The following CYLD variants were observed in gnomAD, a reference collection of about 807,000 sequenced individuals.
The protein encoded by CYLD is ubiquitin carboxyl-terminal hydrolase CYLD.
In CYLD, 26 loss-of-function variants were observed where a neutral mutation model predicts 104.5. That is an observed-to-expected ratio of 0.25 (90% CI 0.18 to 0.35). The LOEUF (loss-of-function observed/expected upper bound fraction) is 0.35. Ranked by LOEUF, CYLD falls within the 10% of genes least tolerant of loss-of-function variation. The pLI is 1.00. For synonymous variants in CYLD, 385 were observed against 399.9 expected (o/e 0.96, Z 0.45); for missense variants, 703 against 1,136.1 (o/e 0.62, Z 5.48).
At chr16:50,747,925 C>G (rs1237330259) in intron 2 of CYLD, among the ~76,000 whole-genome samples, 1 of 152,220 alleles carries the variant, frequency 6.6e-6, no homozygotes, top group Non-Finnish European at 1.5e-5. Flanking sequence ...ATGTCTCATG[C>G]TGGCTTGTAG....
At position 50,782,365 on chromosome 16, in the gene CYLD, T is replaced by C. The variant is rs373031051; in HGVS notation, c.1725T>C (p.Thr575=). The C allele has an allele frequency of 5.9e-5, 95 of 1,613,386 alleles. No homozygotes were observed. The highest frequency in any genetic ancestry group is 7.9e-5 in the Non-Finnish European group (93 of 1,179,494). The change falls in exon 11 of 19, where the codon ACT becomes ACC. Residue 575 remains threonine, a synonymous_variant. Coordinates refer to ENST00000427738, the MANE Select transcript of CYLD (RefSeq NM_001378743.1). ...TAAGTGAAGTAGTAGAAGAAAATAC[T>C]CCACCAAAAATGGAAAAAGAAGGCT... The part of the protein sequence containing the change: ...GYLSEVVEEN[T]PPKMEKEGLE...
At chr16:50,767,306 C>T (rs955981208) in intron 5 of CYLD, among the ~76,000 whole-genome samples, 5 of 152,098 alleles carry the variant, frequency 3.3e-5, no homozygotes, top group African/African-American at 7.2e-5. Flanking sequence ...GTATTGCACA[C>T]GTAATGGACT....
chr16:50,768,643 C>T (rs1968782098), intron 5 of CYLD, among the ~76,000 whole-genome samples: 1 of 152,162 alleles, frequency 6.6e-6, no homozygotes, highest in Non-Finnish European at 1.5e-5. Flanking sequence ...GCTAACATAT[C>T]TAATTTGACA....
chr16:50,769,661 C>G (rs78664003), intron 5 of CYLD, among the ~76,000 whole-genome samples: 13 of 152,160 alleles, frequency 8.5e-5, no homozygotes, highest in African/African-American at 2.9e-4. Flanking sequence ...TTTTTCCCAG[C>G]GGTAACATTA....
intron 5 of CYLD, among the ~76,000 whole-genome samples, chr16:50,768,191 C>A (rs1271840874): frequency 6.6e-6 from 1 of 152,136 alleles, no homozygotes; most frequent in South Asian, 2.1e-4. Flanking sequence ...ATGATACCAG[C>A]ATTTATAACA....
intron 11 of CYLD, among the ~76,000 whole-genome samples, chr16:50,782,916 ATTTTTTTTTTTTTTTT>A (rs386384680): frequency 1.3e-3 from 116 of 87,722 alleles, no homozygotes; most frequent in African/African-American, 5.3e-3. Flanking sequence ...ACAACTTAAG[ATTTTTTTTTTTTTTTT>A]TTTTTTTTTT....
At chr16:50,754,964 C>T (rs1373619158) in intron 5 of CYLD, among the ~76,000 whole-genome samples, 1 of 140,478 alleles carries the variant, frequency 7.1e-6, no homozygotes, top group Non-Finnish European at 1.5e-5. Context: ...TATACATATA[C>T]ACACATATAT....
intron 3 of CYLD, among the ~76,000 whole-genome samples, chr16:50,750,791 T>A (rs1966558162): frequency 6.6e-6 from 1 of 152,316 alleles, no homozygotes; most frequent in Non-Finnish European, 1.5e-5. Flanking sequence ...TTATCATCTA[T>A]AGGTTTCTTA....
intron 5 of CYLD, among the ~76,000 whole-genome samples, chr16:50,769,092 G>A (rs1322138693): frequency 6.6e-6 from 1 of 152,032 alleles, no homozygotes; most frequent in Non-Finnish European, 1.5e-5. Flanking sequence ...CTTGTTGATG[G>A]ACACTTGAGT....
Position 50,793,732 on chromosome 16 carries a change from A to C in CYLD, c.2469+68A>C, listed in dbSNP as rs1028955901. 8.5e-6 allele frequency: 9 copies of C among 1,060,660 alleles called. No individual in the cohort carries two copies. In the Admixed American group the frequency reaches 1.5e-4, roughly 18 times the overall value. The allele number at this position is 1,060,660 out of a possible 1,614,324, so 65.7% of individuals were successfully genotyped here. On this transcript the variant is annotated intron_variant, in intron 17 of 18. Transcript: ENST00000427738. Reference sequence around the variant, plus strand: ...TAACTTATTTATAGTTGAAAACACAATGCTCGTTTTGGAAAGTTTTTTAAA... The same window carrying C: ...TAACTTATTTATAGTTGAAAACACACTGCTCGTTTTGGAAAGTTTTTTAAA...
At chr16:50,748,165 C>G (rs917446091) in intron 2 of CYLD, among the ~76,000 whole-genome samples, 1 of 152,154 alleles carries the variant, frequency 6.6e-6, no homozygotes, top group Non-Finnish European at 1.5e-5. Context: ...ATGGATACCT[C>G]TATCTCAAGG....
intron 5 of CYLD, among the ~76,000 whole-genome samples, chr16:50,756,427 A>C (rs1967247525): frequency 1.3e-5 from 2 of 152,220 alleles, no homozygotes; most frequent in South Asian, 4.1e-4. Flanking sequence ...GGTGTGATTG[A>C]TCAGGGATCA....
At position 50,794,400 on chromosome 16, in the gene CYLD, C is replaced by G; in HGVS notation, c.2658C>G (p.Leu886=). 1.2e-6 allele frequency: 2 copies of G among 1,614,138 alleles called. No individual in the cohort carries two copies. Among genetic ancestry groups the G allele is most frequent in the Non-Finnish European group, 1.7e-6 (2 of 1,180,028 alleles). Residue 886 remains leucine (L), a synonymous_variant, in exon 18 of 19, where the codon CTC becomes CTG. Coordinates refer to ENST00000427738, the MANE Select transcript of CYLD (RefSeq NM_001378743.1). This position sits in a 1 kb window ranked among gnomAD's most constrained non-coding sequence, Gnocchi z 4.1. ...VKYGKDDSAW[L]FFDSMADRDG... is the part of the protein sequence containing the mutation. ...ATGGGAAGGACGATTCTGCCTGGCT[C>G]TTCTTTGACAGCATGGCCGATCGGG... is the stretch of plus-strand genomic sequence containing the variant.
At chr16:50,790,446 T>A (rs1971316076) in intron 14 of CYLD, among the ~76,000 whole-genome samples, 1 of 152,168 alleles carries the variant, frequency 6.6e-6, no homozygotes, top group Non-Finnish European at 1.5e-5. Context: ...TATTTTCCTC[T>A]CTTATTTTTT....
In CYLD at chr16:50,776,282, G is replaced by A; in HGVS notation, c.1021+5G>A. 1 of 1,585,912 alleles carries A rather than the reference G, an allele frequency of 6.3e-7. No homozygotes were observed. Among genetic ancestry groups the A allele is most frequent in the Non-Finnish European group, 8.7e-7 (1 of 1,154,426 alleles). ...ATAATAAACCAAAGGCTACAGGTAT[G>A]GATTAATAGCATATAACCTTTAGTA... is the stretch of plus-strand genomic sequence containing the variant. On this transcript the variant is annotated splice_donor_5th_base_variant and intron_variant, in intron 7 of 18. Transcript: ENST00000427738.
intron 5 of CYLD, among the ~76,000 whole-genome samples, chr16:50,765,469 G>A (rs1968399750): frequency 6.6e-6 from 1 of 152,094 alleles, no homozygotes; most frequent in South Asian, 2.1e-4. Context: ...CCTATTTCCT[G>A]ATACCCAAAA....
intron 16 of CYLD, 85 bp downstream of exon 16, chr16:50,792,790 C>T: frequency 2.7e-6 from 2 of 741,878 alleles, no homozygotes; most frequent in Non-Finnish European, 4.8e-6. Flanking sequence ...TAGACTCTAA[C>T]TGGACACAGT....
chr16:50,760,973 C>G (rs1279186705), intron 5 of CYLD, among the ~76,000 whole-genome samples: 1 of 152,144 alleles, frequency 6.6e-6, no homozygotes, highest in Admixed American at 6.5e-5. Flanking sequence ...TTTTCCCAAT[C>G]TGATAGATAA....
At position 50,779,959 on chromosome 16, in the gene CYLD, T is replaced by C. The variant is rs971330819; in HGVS notation, c.1433T>C (p.Val478Ala). 12 of 1,613,940 alleles carry C rather than the reference T, an allele frequency of 7.4e-6. No individual in the cohort carries two copies. The Admixed American group carries it at 1.5e-4, about 20-fold the overall frequency. The stretch of plus-strand genomic sequence containing the variant: ...CTAGAAGTGGGCTCATTGGCTGAAG[T>C]TAAGGAGAACCCTCCTTTCTATGGG... ...HGLEVGSLAEVKENPPFYGVI... is the reference protein window; with the variant it reads ...HGLEVGSLAEAKENPPFYGVI... Residue 478 changes from valine (V) to alanine (A), a missense_variant, in exon 9 of 19, where the codon GTT becomes GCT. Val to Ala is a moderately conservative substitution (Grantham distance 64, BLOSUM62 0). Coordinates refer to ENST00000427738, the MANE Select transcript of CYLD (RefSeq NM_001378743.1).
Sources: gnomAD v4.1 joint callset for allele counts (sites outside exome capture counted in the v4.1 genomes callset) on GRCh38, gnomAD v4.1.1 for gene constraint, Gnocchi (gnomAD v3.1) non-coding constraint, MANE v1.5 for transcripts, NCBI Gene and HGNC (gene_info 2026-07-23, HGNC 2026-07-21) for gene names.